KPNA2: variants seen among roughly 807,000 people sequenced by gnomAD.
KPNA2 encodes the protein importin subunit alpha-1.
Under a neutral mutation model 53.7 loss-of-function variants are expected in KPNA2, and 20 were observed. The observed-to-expected ratio is 0.37, with a 90% CI of 0.26 to 0.54. The LOEUF is 0.54. KPNA2 is among the 20% of genes least tolerant of loss of function. The pLI, the probability that KPNA2 is intolerant of heterozygous loss-of-function variation, is 0.83. For missense variants in KPNA2, 515 were observed against 640.3 expected, an observed-to-expected ratio of 0.80 and a Z score of 2.11; for synonymous variants, 238 against 227.5, an observed-to-expected ratio of 1.05 and a Z score of -0.42.
Position 68,042,979 on chromosome 17 carries a change from C to G in KPNA2, c.646C>G (p.Pro216Ala). Residue 216 changes from proline to alanine, a missense_variant, in exon 6 of 11, where the codon CCT (proline) becomes GCT (alanine). Pro to Ala is a conservative substitution (Grantham distance 27). Coordinates refer to ENST00000330459, the MANE Select transcript of KPNA2 (RefSeq NM_002266.4). ...CCCACTGTTGGCTCTCCTTGCAGTT[C>G]CTGATATGTCATCTTTAGCAGTAAG... ...VDPLLALLAV[P>A]DMSSLACGYL... 1.2e-6 allele frequency: 2 copies of G among 1,613,270 alleles called. No homozygotes were observed. The highest frequency in any genetic ancestry group is 1.7e-6 in the Non-Finnish European group (2 of 1,179,578).
chr17:68,040,502 A>G (rs1340421064), intron 3 of KPNA2, among the ~76,000 whole-genome samples, 176 bp from the exon 4 acceptor site: 2 of 152,214 alleles, frequency 1.3e-5, no homozygotes, highest in South Asian at 2.1e-4. Flanking sequence ...AAGTTTGGAA[A>G]CTGTTCTACA....
At chr17:68,043,466 G>C in intron 7 of KPNA2, 103 bp downstream of exon 7, 1 of 1,151,478 alleles carries the variant, frequency 8.7e-7, no homozygotes, top group South Asian at 1.5e-5. Context: ...CACTTTGGGA[G>C]ACCAAGGCAG....
rs782091914 is a variant in KPNA2, at chr17:68,042,210, C to T, written c.428C>T (p.Ala143Val). Residue 143 changes from alanine (A) to valine (V), a missense_variant, in exon 5 of 11, where the codon GCA becomes GTA. Physicochemically the swap from Ala to Val is moderately conservative, Grantham distance 64 (BLOSUM62 0). Transcript: ENST00000330459. ...CSPIQFESAW[A>V]LTNIASGTSE... Reference sequence around the variant, plus strand: ...CCCATTCAGTTTGAATCTGCTTGGGCACTCACTAACATTGCTTCTGGGACA... The same window carrying T: ...CCCATTCAGTTTGAATCTGCTTGGGTACTCACTAACATTGCTTCTGGGACA... The T allele has an allele frequency of 1.9e-6, 3 of 1,613,942 alleles. No individual in the cohort carries two copies. In the Admixed American group the frequency reaches 5.0e-5, roughly 27 times the overall value.
chr17:68,039,695 G>A lies in KPNA2; in HGVS notation c.214-983G>A, dbSNP rs1316246935. ...CTCAGGAGGCTGTGGCAGGAGAATC[G>A]CTTGAACCCGGGAGGTGGAGGCGGT... is the stretch of plus-strand genomic sequence containing the variant. On this transcript the variant is annotated intron_variant, in intron 3 of 10. Coordinates refer to ENST00000330459, the MANE Select transcript of KPNA2 (RefSeq NM_002266.4). Among the ~76,000 whole-genome samples the A allele has an allele frequency of 4.0e-5, 6 of 151,698 alleles. No homozygotes were observed. The East Asian group carries it at 5.9e-4, about 15-fold the overall frequency.
chr17:68,046,663 T>A lies in KPNA2; in HGVS notation c.*67T>A, dbSNP rs1205443660. The A allele has an allele frequency of 8.2e-6, 8 of 974,228 alleles. No homozygotes were observed. The highest frequency in any genetic ancestry group is 1.3e-5 in the Non-Finnish European group (8 of 614,424). The allele number at this position is 974,228 out of a possible 1,614,324, so 60.3% of individuals were successfully genotyped here. On this transcript the variant is annotated 3_prime_UTR_variant, in exon 11 of 11. Transcript: ENST00000330459. ...GTATTTTGTCTTATTGTTTCTCTAC[T>A]AAGAACTCTTTCTTAAATGTGGTTT...
chr17:68,042,903 A>G lies in KPNA2; in HGVS notation c.572-2A>G. On this transcript the variant is annotated splice_acceptor_variant, in intron 5 of 10. Transcript: ENST00000330459. LOFTEE classifies it high-confidence loss of function. Reference sequence around the variant, plus strand: ...AAAAATTAATCTTGCCTTTTTTTTCAGGTGATGGCTCAGTGTTCCGAGACT... The same window carrying G: ...AAAAATTAATCTTGCCTTTTTTTTCGGGTGATGGCTCAGTGTTCCGAGACT... The G allele has an allele frequency of 1.3e-6, 2 of 1,572,106 alleles. No homozygotes were observed. The highest frequency in any genetic ancestry group is 1.7e-6 in the Non-Finnish European group (2 of 1,160,580).
intron 3 of KPNA2, among the ~76,000 whole-genome samples, chr17:68,040,110 G>A (rs1193129133): frequency 5.9e-5 from 9 of 151,722 alleles, no homozygotes; most frequent in African/African-American, 1.2e-4. Context: ...TCCTCAGAAC[G>A]TTGCCTATGA....
rs147070876 is a variant in KPNA2, at chr17:68,043,207, G to C, written c.774G>C (p.Arg258=). ...AVEQILPTLV[R]LLHHDDPEVL... is the part of the protein sequence containing the mutation. ...AGCAGATTCTTCCTACCTTAGTTCG[G>C]CTCCTGCATCATGATGATCCAGAAG... The change falls in exon 7 of 11, where the codon CGG becomes CGC. Residue 258 remains arginine (R), a synonymous_variant. Coordinates refer to ENST00000330459, the MANE Select transcript of KPNA2 (RefSeq NM_002266.4). The C allele has an allele frequency of 6.2e-7, 1 of 1,614,022 alleles. No homozygotes were observed. The highest frequency in any genetic ancestry group is 1.3e-5 in the African/African-American group (1 of 74,984).
In KPNA2 at chr17:68,043,904, G is replaced by C; in HGVS notation, c.997G>C (p.Asp333His). Residue 333 changes from aspartate to histidine, a missense_variant, in exon 8 of 11, where the codon GAT becomes CAT. By Grantham distance (81) the Asp-to-His change is moderately conservative. Coordinates refer to ENST00000330459, the MANE Select transcript of KPNA2 (RefSeq NM_002266.4). ...GTDEQTQVVI[D>H]AGALAVFPSL... ...AGATGAACAGACTCAGGTTGTGATT[G>C]ATGCAGGAGCACTCGCCGTCTTTCC... 6.2e-7 allele frequency: 1 copy of C among 1,613,462 alleles called. No homozygotes were observed. The highest frequency in any genetic ancestry group is 8.5e-7 in the Non-Finnish European group (1 of 1,179,774).
intron 8 of KPNA2, 27 bp from the exon 9 acceptor site, chr17:68,044,294 A>C (rs1555705120): frequency 6.3e-7 from 1 of 1,590,654 alleles, no homozygotes; most frequent in East Asian, 2.2e-5. Context: ...CTGTTCTGAA[A>C]TAAAACCATT....
At position 68,040,741 on chromosome 17, in the gene KPNA2, C is replaced by A; in HGVS notation, c.277C>A (p.Gln93Lys). 6.2e-7 allele frequency: 1 copy of A among 1,612,346 alleles called. No homozygotes were observed. The highest frequency in any genetic ancestry group is 1.1e-5 in the South Asian group (1 of 91,044). Residue 93 changes from glutamine to lysine, a missense_variant, in exon 4 of 11, where the codon CAG (glutamine) becomes AAG (lysine). Physicochemically the swap from Gln to Lys is moderately conservative, Grantham distance 53. Coordinates refer to ENST00000330459, the MANE Select transcript of KPNA2 (RefSeq NM_002266.4). ...CATAAATAGCAGCAATGTGGAAAAT[C>A]AGCTCCAAGCTACTCAAGCTGCCAG... Reference protein sequence around the residue: ...KGINSSNVENQLQATQAARKL... With the variant: ...KGINSSNVENKLQATQAARKL...
At chr17:68,039,688 GA>G (rs2071231244) in intron 3 of KPNA2, among the ~76,000 whole-genome samples, 2 of 151,758 alleles carry the variant, frequency 1.3e-5, no homozygotes, top group South Asian at 2.1e-4. Context: ...GCTGTGGCAG[GA>G]GAATCGCTTG....
chr17:68,040,806 TTG>T, intron 4 of KPNA2, 40 bp downstream of exon 4: 1 of 1,424,238 alleles, frequency 7.0e-7, no homozygotes, highest in Non-Finnish European at 9.6e-7. Flanking sequence ...CCTAAGAAAT[TTG>T]TGTTTTTAGA....
Position 68,043,133 on chromosome 17 carries a change from T to C in KPNA2, c.700T>C (p.Ser234Pro). 1 of 1,614,170 alleles carries C rather than the reference T, an allele frequency of 6.2e-7. No individual in the cohort carries two copies. Among genetic ancestry groups the C allele is most frequent in the Non-Finnish European group, 8.5e-7 (1 of 1,180,034 alleles). ...GYLRNLTWTL[S>P]NLCRNKNPAP... ...CTTACGTAATCTTACCTGGACACTT[T>C]CTAATCTTTGCCGCAACAAGAATCC... Residue 234 changes from serine (S) to proline (P), a missense_variant, in exon 7 of 11, where the codon TCT (serine) becomes CCT (proline). Ser to Pro is a moderately conservative substitution (Grantham distance 74). Coordinates refer to ENST00000330459, the MANE Select transcript of KPNA2 (RefSeq NM_002266.4).
intron 1 of KPNA2, chr17:68,036,600 A>G (rs1481008950): frequency 1.3e-5 from 2 of 153,824 alleles, no homozygotes; most frequent in Admixed American, 1.3e-4. Flanking sequence ...ATTAACTATT[A>G]GGGACTCTGG....
intron 3 of KPNA2, among the ~76,000 whole-genome samples, chr17:68,039,532 T>C (rs2071229427): frequency 6.6e-6 from 1 of 151,504 alleles, no homozygotes; most frequent in South Asian, 2.1e-4. Flanking sequence ...TGTAATCCCA[T>C]TACTTTGGGA....
chr17:68,044,106 T>A (rs1555705091), intron 8 of KPNA2, 35 bp downstream of exon 8: 2 of 1,532,276 alleles, frequency 1.3e-6, no homozygotes, highest in African/African-American at 2.7e-5. Context: ...AAGTCATTTT[T>A]AGTATTTATA....
In KPNA2 at chr17:68,042,894, T is replaced by C. The variant is rs782004731; in HGVS notation, c.572-11T>C. The C allele has an allele frequency of 3.2e-6, 5 of 1,572,668 alleles. No individual in the cohort carries two copies. Among genetic ancestry groups the C allele is most frequent in the Admixed American group, 1.9e-5 (1 of 53,632 alleles). On this transcript the variant is annotated splice_polypyrimidine_tract_variant and intron_variant, in intron 5 of 10. Coordinates refer to ENST00000330459, the MANE Select transcript of KPNA2 (RefSeq NM_002266.4). The stretch of plus-strand genomic sequence containing the variant: ...AAAAAAAAAAAAAATTAATCTTGCC[T>C]TTTTTTTCAGGTGATGGCTCAGTGT...
chr17:68,045,828 A>C lies in KPNA2; in HGVS notation c.1404A>C (p.Gly468=). 6.2e-7 allele frequency: 1 copy of C among 1,605,806 alleles called. No homozygotes were observed. Among genetic ancestry groups the C allele is most frequent in the Non-Finnish European group, 8.5e-7 (1 of 1,176,252 alleles). ...EKLSIMIEEC[G]GLDKIEALQN... Reference sequence around the variant, plus strand: ...TTAGTATAATGATTGAAGAATGTGGAGGCTTAGACAAAATTGAAGCTCTAC... The same window carrying C: ...TTAGTATAATGATTGAAGAATGTGGCGGCTTAGACAAAATTGAAGCTCTAC... Residue 468 remains glycine (G), a synonymous_variant, in exon 10 of 11, where the codon GGA becomes GGC. Transcript: ENST00000330459.
Sources: gnomAD v4.1 joint callset for allele counts (sites outside exome capture counted in the v4.1 genomes callset) on GRCh38, gnomAD v4.1.1 for gene constraint, MANE v1.5 for transcripts, NCBI Gene and HGNC (gene_info 2026-07-23, HGNC 2026-07-21) for gene names.